Variants in SRGAP3 observed in about 807,000 individuals in gnomAD.
SRGAP3 encodes the protein SLIT-ROBO Rho GTPase activating protein 3.
SRGAP3 carries 39 observed loss-of-function variants against 121.1 expected under a neutral mutation model. That is an observed-to-expected ratio of 0.32 (90% CI 0.25 to 0.42). The LOEUF is 0.42. SRGAP3 is among the 10% of genes least tolerant of loss of function. The pLI is 1.00. For synonymous variants in SRGAP3, 601 were observed against 570.0 expected (o/e 1.05, Z -0.77); for missense variants, 1,213 against 1,470.6 (o/e 0.82, Z 2.86).
intron 3 of SRGAP3, among the ~76,000 whole-genome samples, chr3:9,317,860 T>C (rs947796316): frequency 3.3e-5 from 5 of 152,140 alleles, no homozygotes; most frequent in Admixed American, 1.3e-4. Context: ...AAGCAAGACA[T>C]TGGACATATT....
chr3:9,057,707 C>T (rs1021528859), intron 7 of SRGAP3, among the ~76,000 whole-genome samples: 14 of 152,184 alleles, frequency 9.2e-5, no homozygotes, highest in Non-Finnish European at 1.8e-4. Flanking sequence ...TTTTGTAAGC[C>T]TTGGGTAACG....
At chr3:9,001,984 T>G (rs1405712164) in intron 18 of SRGAP3, among the ~76,000 whole-genome samples, 1 of 152,116 alleles carries the variant, frequency 6.6e-6, no homozygotes, top group Non-Finnish European at 1.5e-5. Context: ...CAATACCCCA[T>G]TCTCAATAAC....
chr3:9,151,560 A>G (rs1950211903), intron 1 of SRGAP3, among the ~76,000 whole-genome samples: 2 of 152,236 alleles, frequency 1.3e-5, no homozygotes, highest in African/African-American at 2.4e-5. Flanking sequence ...AGGAGCAATT[A>G]AGAAGACCTG....
intron 14 of SRGAP3, among the ~76,000 whole-genome samples, chr3:9,022,214 G>A (rs192671473): frequency 2.2e-3 from 332 of 152,322 alleles, no homozygotes; most frequent in African/African-American, 7.7e-3. Context: ...TGTAGTCCCA[G>A]CTACTCAGGA....
intron 3 of SRGAP3, among the ~76,000 whole-genome samples, chr3:9,272,467 A>G (rs1361161412): frequency 6.6e-6 from 1 of 151,992 alleles, no homozygotes; most frequent in Non-Finnish European, 1.5e-5. Context: ...GAATTTGACT[A>G]CTCTAGGTAT....
At chr3:9,102,530 C>T (rs561365788) in intron 3 of SRGAP3, among the ~76,000 whole-genome samples, 2 of 152,258 alleles carry the variant, frequency 1.3e-5, no homozygotes, top group East Asian at 1.9e-4. Context: ...TTGAGGTCTG[C>T]GGGAACTATT....
chr3:9,039,164 G>A (rs527559297), intron 10 of SRGAP3, among the ~76,000 whole-genome samples: 12 of 152,196 alleles, frequency 7.9e-5, no homozygotes, highest in Admixed American at 1.3e-4. Context: ...TGACCTCTCC[G>A]CACCATGCTG....
chr3:9,344,013 C>T (rs1337358541), intron 1 of SRGAP3, among the ~76,000 whole-genome samples: 1 of 152,204 alleles, frequency 6.6e-6, no homozygotes, highest in East Asian at 1.9e-4. Context: ...CAGTAACACT[C>T]ATTATCATTT....
chr3:9,116,367 A>C (rs1322248738), intron 2 of SRGAP3, among the ~76,000 whole-genome samples: 1 of 152,246 alleles, frequency 6.6e-6, no homozygotes, highest in Non-Finnish European at 1.5e-5. Flanking sequence ...CCATTCACTG[A>C]AAAAACTTTG....
intron 3 of SRGAP3, among the ~76,000 whole-genome samples, chr3:9,264,892 C>CA (rs1027094664): frequency 4.0e-4 from 61 of 151,578 alleles, no homozygotes; most frequent in African/African-American, 1.5e-3. Context: ...CATATGAAAC[C>CA]AAAAAAAGAG....
In SRGAP3 at chr3:9,335,858, G is replaced by A. The variant is rs146598549; in HGVS notation, n.215-5262C>T. On this transcript the variant is annotated intron_variant and non_coding_transcript_variant, in intron 1 of 3. Coordinates refer to the SRGAP3 transcript ENST00000490889. ...AGCCTGGACTTTAGGATTTTTCTTC[G>A]TTTTCTTATTATTATTTTTTTTAGT... 5.4e-3 allele frequency among the ~76,000 whole-genome samples: 820 copies of A among 151,996 alleles called. 11 individuals are homozygous for A. Among genetic ancestry groups the A allele is most frequent in the African/African-American group, 0.019 (782 of 41,452 alleles).
chr3:9,020,079 A>G lies in SRGAP3; in HGVS notation c.1679-4348T>C, dbSNP rs148498257. Among the ~76,000 whole-genome samples, 455 of 152,334 alleles carry G rather than the reference A, an allele frequency of 3.0e-3. 1 individual carries two copies. Among genetic ancestry groups the G allele is most frequent in the African/African-American group, 0.011 (438 of 41,570 alleles). Reference sequence around the variant, plus strand: ...AGGGAGACATGGTTCCAATACCACCATTCTCTCCTGTGAGAGAGCTGAGGC... The same window carrying G: ...AGGGAGACATGGTTCCAATACCACCGTTCTCTCCTGTGAGAGAGCTGAGGC... On this transcript the variant is annotated intron_variant, in intron 14 of 21. Coordinates refer to ENST00000383836, the MANE Select transcript of SRGAP3 (RefSeq NM_014850.4).
chr3:9,326,174 T>C (rs1242790813), intron 2 of SRGAP3: 3 of 151,962 alleles, frequency 2.0e-5, no homozygotes, highest in African/African-American at 4.8e-5. Flanking sequence ...GGGTTCTAGA[T>C]TGTAAAGGGA....
At chr3:9,055,600 C>T (rs1205782366) in intron 8 of SRGAP3, among the ~76,000 whole-genome samples, 1 of 152,166 alleles carries the variant, frequency 6.6e-6, no homozygotes, top group Non-Finnish European at 1.5e-5. Context: ...TTCCTTGGAG[C>T]TCAGAATCCA....
At chr3:8,998,270 G>T (rs1360718141) in intron 18 of SRGAP3, among the ~76,000 whole-genome samples, 1 of 152,150 alleles carries the variant, frequency 6.6e-6, no homozygotes. Flanking sequence ...TTCTCCCTGG[G>T]ATGCCTTTCT....
intron 1 of SRGAP3, among the ~76,000 whole-genome samples, chr3:9,190,346 G>A (rs1951712453): frequency 1.3e-5 from 2 of 152,226 alleles, no homozygotes; most frequent in Admixed American, 6.5e-5. Flanking sequence ...GGCAGGAGAT[G>A]AGAACAGGCA....
At chr3:9,028,796 A>G (rs1944337088) in intron 12 of SRGAP3, among the ~76,000 whole-genome samples, 1 of 151,966 alleles carries the variant, frequency 6.6e-6, no homozygotes, top group Non-Finnish European at 1.5e-5. Flanking sequence ...TCCCCTCTTG[A>G]CCCTTACACT....
intron 3 of SRGAP3, among the ~76,000 whole-genome samples, chr3:9,315,870 G>A (rs1955336267): frequency 6.6e-6 from 1 of 151,976 alleles, no homozygotes; most frequent in Non-Finnish European, 1.5e-5. Context: ...ATAAAATTAG[G>A]GAAGGGAAAA....
upstream of SRGAP3, among the ~76,000 whole-genome samples, chr3:9,254,503 A>G (rs2668367): frequency 0.17 from 25,840 of 152,138 alleles, 2,293 homozygotes; most frequent in East Asian, 0.26. Context: ...TGATCATTAA[A>G]ATGTTTTGGG....
Sources: allele counts gnomAD v4.1 joint callset (sites outside exome capture counted in the v4.1 genomes callset), GRCh38; gene constraint gnomAD v4.1.1; transcripts MANE v1.5; gene names NCBI Gene and HGNC (gene_info 2026-07-23, HGNC 2026-07-21).